DLG2: variants seen among roughly 807,000 people sequenced by gnomAD.
DLG2 encodes the protein disks large homolog 2.
A neutral mutation model predicts 132.5 loss-of-function variants in DLG2; 45 were observed. The observed-to-expected ratio is 0.34, with a 90% CI of 0.27 to 0.44. The LOEUF (loss-of-function observed/expected upper bound fraction) is 0.44, where lower values mean the gene tolerates loss of function less well. DLG2 is among the 20% of genes least tolerant of loss of function. DLG2 has a pLI of 1.00. For synonymous variants in DLG2, 424 were observed against 419.6 expected, an observed-to-expected ratio of 1.01 and a Z score of -0.13; for missense variants, 1,045 against 1,196.9, an observed-to-expected ratio of 0.87 and a Z score of 1.87.
intron 8 of DLG2, among the ~76,000 whole-genome samples, chr11:84,195,047 G>A (rs1271952405): frequency 1.3e-5 from 2 of 152,216 alleles, no homozygotes; most frequent in African/African-American, 2.4e-5. Context: ...GTGCAGTGGC[G>A]GGCTGAAGGG....
At chr11:84,255,502 T>G (rs2097453742) in intron 7 of DLG2, among the ~76,000 whole-genome samples, 1 of 152,094 alleles carries the variant, frequency 6.6e-6, no homozygotes, top group Admixed American at 6.5e-5. Flanking sequence ...TTTTGTATTT[T>G]TAGTAGAGAT....
At chr11:83,651,121 G>A (rs190546622) in intron 18 of DLG2, among the ~76,000 whole-genome samples, 3 of 152,126 alleles carry the variant, frequency 2.0e-5, no homozygotes, top group Admixed American at 2.0e-4. Context: ...AAGACATTAT[G>A]TCTTATTTGA....
intron 3 of DLG2, among the ~76,000 whole-genome samples, chr11:85,374,007 G>A (rs2085200934): frequency 6.6e-6 from 1 of 152,088 alleles, no homozygotes; most frequent in Admixed American, 6.5e-5. Context: ...TAACTCATAA[G>A]TATTGTTCCT....
At chr11:85,021,749 G>A in intron 6 of DLG2, 1 of 629,534 alleles carries the variant, frequency 1.6e-6, no homozygotes, top group South Asian at 1.8e-5. Flanking sequence ...ATTCGATTCT[G>A]AGTCTCCTAC....
chr11:83,736,732 T>TAAG (rs369106344), intron 18 of DLG2, among the ~76,000 whole-genome samples: 5 of 151,770 alleles, frequency 3.3e-5, no homozygotes, highest in Admixed American at 1.3e-4. Context: ...CCCTAAAGAA[T>TAAG]AAGAAGAAGA....
chr11:84,464,561 C>A (rs2099089049), intron 7 of DLG2, among the ~76,000 whole-genome samples: 5 of 151,010 alleles, frequency 3.3e-5, no homozygotes, highest in Admixed American at 2.6e-4. Flanking sequence ...TAATTTTTTT[C>A]AGTAGTGTAG....
Position 83,763,224 on chromosome 11 carries a change from A to G in DLG2, c.1825+23466T>C, listed in dbSNP as rs146715682. Among the ~76,000 whole-genome samples, 51 of 152,306 alleles carry G rather than the reference A, an allele frequency of 3.3e-4. 1 individual carries two copies. Among genetic ancestry groups the G allele is most frequent in the East Asian group, 2.1e-3 (11 of 5,178 alleles). ...AGGCGTATATGTGCAGGCTTGTTAT[A>G]TAGGTAAACTGTGTGTTGTGGGGGT... On this transcript the variant is annotated intron_variant, in intron 18 of 27. Coordinates refer to ENST00000376104, the MANE Select transcript of DLG2 (RefSeq NM_001142699.3).
rs191412311 is a variant in DLG2 at position 84,389,716 on chromosome 11, T to G, written c.520-138425A>C. Among the ~76,000 whole-genome samples, 382 of 152,240 alleles carry G rather than the reference T, an allele frequency of 2.5e-3. 2 individuals carry two copies. Among genetic ancestry groups the G allele is most frequent in the Non-Finnish European group, 4.4e-3 (298 of 67,972 alleles). The stretch of plus-strand genomic sequence containing the variant: ...AACATAACCAAGATTATATTAATAT[T>G]TGTCTCTTTTGAACTGGTAAGCATC... On this transcript the variant is annotated intron_variant, in intron 7 of 27. Transcript: ENST00000376104.
chr11:84,532,117 A>ATTTT lies in DLG2; in HGVS notation c.519+2449_519+2452dup, dbSNP rs67139617. On this transcript the variant is annotated intron_variant, in intron 7 of 27. Transcript: ENST00000376104. ...CCATGGTGCTTTCATTGTTCTGTTC[A>ATTTT]TTTTTTTTTTTTTTTTTTTTTTTTA... Among the ~76,000 whole-genome samples the ATTTT allele has an allele frequency of 2.8e-3, 292 of 104,560 alleles. 7 individuals are homozygous for ATTTT. The highest frequency in any genetic ancestry group is 4.5e-3 in the South Asian group (13 of 2,862). 68.6% of individuals were successfully genotyped at this position (104,560 alleles called of 152,430 possible).
At chr11:83,713,493 G>A (rs756630050) in intron 18 of DLG2, among the ~76,000 whole-genome samples, 1 of 152,128 alleles carries the variant, frequency 6.6e-6, no homozygotes, top group Admixed American at 6.5e-5. Context: ...ATGTTCCTAC[G>A]TGAGCAGCAG....
intron 4 of DLG2, among the ~76,000 whole-genome samples, chr11:85,165,255 G>A (rs1358357630): frequency 6.6e-6 from 1 of 152,144 alleles, no homozygotes; most frequent in Non-Finnish European, 1.5e-5. Flanking sequence ...GAATTTTTAT[G>A]TGAAATAGCT....
chr11:84,500,912 C>T (rs1412426996), intron 7 of DLG2, among the ~76,000 whole-genome samples: 1 of 152,242 alleles, frequency 6.6e-6, no homozygotes, highest in East Asian at 1.9e-4. Context: ...TTTTATATGG[C>T]AATTCACAAA....
At chr11:83,701,898 G>A (rs1206914616) in intron 18 of DLG2, among the ~76,000 whole-genome samples, 3 of 152,210 alleles carry the variant, frequency 2.0e-5, no homozygotes, top group Admixed American at 2.0e-4. Context: ...ATACAAGGAA[G>A]TTTCTGTAAT....
At chr11:84,830,808 T>A (rs927343145) in intron 6 of DLG2, among the ~76,000 whole-genome samples, 7 of 151,534 alleles carry the variant, frequency 4.6e-5, no homozygotes, top group African/African-American at 1.7e-4. Flanking sequence ...TTTCAATGTA[T>A]AAGATAATAA....
intron 11 of DLG2, among the ~76,000 whole-genome samples, chr11:84,057,488 T>TG (rs1397902922): frequency 2.6e-5 from 4 of 152,204 alleles, no homozygotes; most frequent in African/African-American, 9.6e-5. Flanking sequence ...ATGTGAGGGT[T>TG]GAAAGTCTTT....
chr11:84,029,277 ACTCAGAT>A (rs1185353078), intron 11 of DLG2, among the ~76,000 whole-genome samples: 1 of 152,098 alleles, frequency 6.6e-6, no homozygotes, highest in African/African-American at 2.4e-5. Flanking sequence ...TCTTCTTTAT[ACTCAGAT>A]TAATACCCTA....
intron 6 of DLG2, among the ~76,000 whole-genome samples, chr11:84,953,729 T>C (rs2051258654): frequency 6.6e-6 from 1 of 152,182 alleles, no homozygotes; most frequent in Admixed American, 6.5e-5. Flanking sequence ...CAATATGATG[T>C]CTCTAGAATG....
chr11:84,928,982 G>GTATATATATATATATATATA (rs58945482), intron 6 of DLG2, among the ~76,000 whole-genome samples: 3 of 49,116 alleles, frequency 6.1e-5, no homozygotes, highest in African/African-American at 1.8e-4. Flanking sequence ...GTGTGTGTGT[G>GTATATATATATATATATATA]TATATATATA....
chr11:84,588,888 T>C (rs933926601), intron 6 of DLG2, among the ~76,000 whole-genome samples: 5 of 152,182 alleles, frequency 3.3e-5, no homozygotes, highest in Non-Finnish European at 7.3e-5. Flanking sequence ...AACTTGCTTT[T>C]ACTTTACTCT....
Sources: allele counts gnomAD v4.1 joint callset (sites outside exome capture counted in the v4.1 genomes callset), GRCh38; gene constraint gnomAD v4.1.1; transcripts MANE v1.5; gene names NCBI Gene and HGNC (gene_info 2026-07-23, HGNC 2026-07-21).